Variants in FGF1 observed in about 807,000 individuals in gnomAD.
The protein encoded by FGF1 is beta-endothelial cell growth factor.
A neutral mutation model predicts 13.4 loss-of-function variants in FGF1; 9 were observed. The observed-to-expected ratio is 0.67, with a 90% CI of 0.40 to 1.17. FGF1 has a LOEUF of 1.17. Ranked by LOEUF, FGF1 falls within the 50% of genes most tolerant of loss-of-function variation. FGF1 has a pLI of 0.01. For missense variants in FGF1, 156 were observed against 192.7 expected, an observed-to-expected ratio of 0.81 and a Z score of 1.13; for synonymous variants, 93 against 79.0, an observed-to-expected ratio of 1.18 and a Z score of -0.94.
chr5:142,678,182 T>C (rs1372609760), intron 1 of FGF1, among the ~76,000 whole-genome samples: 2 of 152,114 alleles, frequency 1.3e-5, no homozygotes, highest in South Asian at 2.1e-4. Context: ...CCTGTCTACT[T>C]TCTCACCTTC....
chr5:142,656,785 T>C (rs1768254657), intron 1 of FGF1, among the ~76,000 whole-genome samples: 1 of 152,238 alleles, frequency 6.6e-6, no homozygotes, highest in South Asian at 2.1e-4. Flanking sequence ...CATGGCTTAA[T>C]TTAAAAATCA....
intron 1 of FGF1, among the ~76,000 whole-genome samples, chr5:142,656,061 C>T (rs1768089571): frequency 6.6e-6 from 1 of 152,044 alleles, no homozygotes; most frequent in African/African-American, 2.4e-5. Context: ...TATTAAATAC[C>T]AAGTCCTAGG....
At chr5:142,634,567 G>C (rs1763937882) in intron 1 of FGF1, among the ~76,000 whole-genome samples, 1 of 152,254 alleles carries the variant, frequency 6.6e-6, no homozygotes, top group Non-Finnish European at 1.5e-5. Context: ...TAGCCGCTCT[G>C]AGTCTGGTTC....
chr5:142,642,047 T>A (rs1765290639), intron 1 of FGF1, among the ~76,000 whole-genome samples: 1 of 152,202 alleles, frequency 6.6e-6, no homozygotes, highest in South Asian at 2.1e-4. Context: ...CTGGTTACTT[T>A]TGTAAGTAAA....
At chr5:142,628,541 A>G (rs957238871) in intron 1 of FGF1, among the ~76,000 whole-genome samples, 5 of 152,214 alleles carry the variant, frequency 3.3e-5, no homozygotes, top group Non-Finnish European at 5.9e-5. Context: ...GTTGCCAATA[A>G]CTATGTCAGT....
At chr5:142,673,920 G>A (rs1470076117) in intron 1 of FGF1, among the ~76,000 whole-genome samples, 8 of 152,176 alleles carry the variant, frequency 5.3e-5, no homozygotes, top group Non-Finnish European at 1.2e-4. Flanking sequence ...CCCTGCATGA[G>A]GTCTTTGCAT....
chr5:142,656,631 C>T lies in FGF1; in HGVS notation c.-35+29326G>A, dbSNP rs61341368. 9.2e-3 allele frequency among the ~76,000 whole-genome samples: 1,394 copies of T among 152,206 alleles called. 11 individuals are homozygous for T. The highest frequency in any genetic ancestry group is 0.015 in the Non-Finnish European group (1,029 of 68,026). ...GTTTGTAATAGTGAAAATTTGGAAA[C>T]AATGTTGCTTCAGAATGGAGTGATA... On this transcript the variant is annotated intron_variant, in intron 1 of 3. Coordinates refer to ENST00000337706, the MANE Select transcript of FGF1 (RefSeq NM_000800.5).
At chr5:142,654,272 A>G (rs1394806585) in intron 1 of FGF1, among the ~76,000 whole-genome samples, 1 of 152,232 alleles carries the variant, frequency 6.6e-6, no homozygotes, top group Middle Eastern at 3.2e-3. Flanking sequence ...AATGCATTTA[A>G]GTGAACAGCA....
chr5:142,635,942 C>T (rs559596988), intron 1 of FGF1, among the ~76,000 whole-genome samples: 3 of 152,342 alleles, frequency 2.0e-5, no homozygotes, highest in Admixed American at 6.5e-5. Flanking sequence ...AAAGCGGTGG[C>T]CCTGGGGACA....
chr5:142,684,903 A>G (rs1774396229), intron 1 of FGF1, among the ~76,000 whole-genome samples: 1 of 152,098 alleles, frequency 6.6e-6, no homozygotes, highest in Non-Finnish European at 1.5e-5. Flanking sequence ...GAATGAAAGG[A>G]AAAGTGCCAG....
chr5:142,599,513 C>T (rs1756021956), intron 3 of FGF1, among the ~76,000 whole-genome samples: 1 of 152,102 alleles, frequency 6.6e-6, no homozygotes, highest in Non-Finnish European at 1.5e-5. Context: ...AAGACATCTT[C>T]ATAAAAGGGA....
At chr5:142,647,210 A>G (rs1766325550) in intron 1 of FGF1, among the ~76,000 whole-genome samples, 1 of 152,232 alleles carries the variant, frequency 6.6e-6, no homozygotes, top group Admixed American at 6.5e-5. Context: ...AAAGCAGAGC[A>G]TAAATTTGTG....
chr5:142,661,761 T>C (rs1261503100), intron 1 of FGF1, among the ~76,000 whole-genome samples: 2 of 152,080 alleles, frequency 1.3e-5, no homozygotes, highest in Non-Finnish European at 2.9e-5. Flanking sequence ...CCCAGCACTT[T>C]GGGAGGCCAA....
intron 1 of FGF1, among the ~76,000 whole-genome samples, chr5:142,664,376 G>A (rs955673621): frequency 1.3e-5 from 2 of 152,312 alleles, no homozygotes; most frequent in South Asian, 2.1e-4. Flanking sequence ...CTATGGGCAC[G>A]GACGCCACTG....
chr5:142,684,014 C>T (rs571478312), intron 1 of FGF1, among the ~76,000 whole-genome samples: 2 of 152,232 alleles, frequency 1.3e-5, no homozygotes, highest in East Asian at 3.9e-4. Flanking sequence ...TGTGCTTTCA[C>T]CACTTTACTT....
At chr5:142,690,310 G>A (rs1203000821), upstream of FGF1, among the ~76,000 whole-genome samples, 1 of 152,094 alleles carries the variant, frequency 6.6e-6, no homozygotes, top group African/African-American at 2.4e-5. Context: ...CTGCGCTCCA[G>A]CCTGGGTGAC....
chr5:142,676,794 C>A (rs1231786804), intron 1 of FGF1, among the ~76,000 whole-genome samples: 2 of 152,136 alleles, frequency 1.3e-5, no homozygotes, highest in Non-Finnish European at 2.9e-5. Context: ...CTTTGTGTGG[C>A]CAACTGAGTG....
At chr5:142,693,726 T>C (rs1752611134) in intron 2 of FGF1, among the ~76,000 whole-genome samples, 2 of 152,212 alleles carry the variant, frequency 1.3e-5, no homozygotes, top group African/African-American at 4.8e-5. Flanking sequence ...ACCACTCATC[T>C]ACTTTCTGTC....
intron 1 of FGF1, among the ~76,000 whole-genome samples, chr5:142,684,260 C>T (rs1774278719): frequency 6.6e-6 from 1 of 152,138 alleles, no homozygotes; most frequent in African/African-American, 2.4e-5. Context: ...GTCCGCCCAC[C>T]ATCTCCACTG....
Sources: gnomAD v4.1 joint callset for allele counts (sites outside exome capture counted in the v4.1 genomes callset) on GRCh38, gnomAD v4.1.1 for gene constraint, MANE v1.5 for transcripts, NCBI Gene and HGNC (gene_info 2026-07-23, HGNC 2026-07-21) for gene names.